SNED1: variants seen among roughly 807,000 people sequenced by gnomAD.
The protein encoded by SNED1 is sushi, nidogen and EGF like domains 1.
Under a neutral mutation model 166.7 loss-of-function variants are expected in SNED1, and 81 were observed. The ratio of observed to expected loss-of-function variants is 0.49; its 90% CI spans 0.41 to 0.58. SNED1 has a LOEUF of 0.58. Among genes scored for constraint, SNED1 ranks in the 20% least tolerant of loss-of-function variants. The pLI is 0.00. For synonymous variants in SNED1, 762 were observed against 822.0 expected, an observed-to-expected ratio of 0.93 and a Z score of 1.25; for missense variants, 1,604 against 2,000.2, an observed-to-expected ratio of 0.80 and a Z score of 3.78.
chr2:241,043,760 A>G lies in SNED1; in HGVS notation c.1273+3347A>G, dbSNP rs80057122. Among the ~76,000 whole-genome samples the G allele has an allele frequency of 5.4e-3, 824 of 152,356 alleles. 7 individuals are homozygous for G. The highest frequency in any genetic ancestry group is 0.019 in the African/African-American group (783 of 41,576). ...GTAAATACTTTTGGCTTTGTGAGCC[A>G]TATGGTCTCTATCACAACTCAACTC... On this transcript the variant is annotated intron_variant, in intron 8 of 31. Coordinates refer to ENST00000310397, the MANE Select transcript of SNED1 (RefSeq NM_001080437.3).
chr2:241,037,684 G>A (rs554772140), intron 6 of SNED1, among the ~76,000 whole-genome samples: 3 of 152,354 alleles, frequency 2.0e-5, no homozygotes, highest in South Asian at 2.1e-4. Flanking sequence ...ATGGGAGCCC[G>A]CTGGGGATGT....
rs370553211 is a variant in SNED1 at position 241,052,379 on chromosome 2, C to T, written c.1994C>T (p.Pro665Leu). The change falls in exon 15 of 32, where the codon CCG (proline) becomes CTG (leucine). Residue 665 changes from proline (P) to leucine (L), a missense_variant. Around this residue, in one of 2 missense-constraint regions of SNED1, gnomAD observed 1,237 missense variants for 1,620.8 expected, o/e 0.76. Coordinates refer to ENST00000310397, the MANE Select transcript of SNED1 (RefSeq NM_001080437.3). ...EIAPSPCFRS[P>L]CVNGGTCEDR... ...GCCCCCTCCCCCTGCTTCCGGAGCC[C>T]GTGTGTGAATGGGGGCACCTGCGAG... The T allele has an allele frequency of 3.2e-6, 5 of 1,585,382 alleles. No homozygotes were observed. Among genetic ancestry groups the T allele is most frequent in the African/African-American group, 2.7e-5 (2 of 74,520 alleles).
intron 6 of SNED1, among the ~76,000 whole-genome samples, chr2:241,039,189 C>CTAGG (rs2061455015): frequency 6.6e-6 from 1 of 152,168 alleles, no homozygotes; most frequent in African/African-American, 2.4e-5. Flanking sequence ...CAACTAAAGG[C>CTAGG]TAGGGTGTGC....
chr2:241,071,939 C>T, intron 26 of SNED1, 61 bp downstream of exon 26: 1 of 1,337,882 alleles, frequency 7.5e-7, no homozygotes, highest in Non-Finnish European at 1.1e-6. Context: ...CTGCCACTCT[C>T]ACCAGGTCCT....
At chr2:241,090,596 A>G (rs1201503508) in intron 31 of SNED1, 12 of 977,652 alleles carry the variant, frequency 1.2e-5, no homozygotes, top group Non-Finnish European at 1.6e-5. Flanking sequence ...GCATCACCAC[A>G]AACACAAAAA....
chr2:241,084,134 A>ATTTTTTTT (rs368364855), intron 29 of SNED1, among the ~76,000 whole-genome samples: 23 of 123,284 alleles, frequency 1.9e-4, no homozygotes, highest in African/African-American at 6.5e-4. Context: ...AGCGTCTAGG[A>ATTTTTTTT]TTTTTTTTTT....
rs1303798989 is a variant in SNED1 at position 241,047,617 on chromosome 2, G to A, written c.1274-698G>A. Among the ~76,000 whole-genome samples the A allele has an allele frequency of 2.0e-5, 3 of 152,224 alleles. No homozygotes were observed. The East Asian group carries it at 5.8e-4, about 29-fold the overall frequency. ...TTCTGACCATAGCAAAATTAAACTA[G>A]AGATCAGCAGAAAGATATCTGGAAA... On this transcript the variant is annotated intron_variant, in intron 8 of 31. Transcript: ENST00000310397.
chr2:241,024,264 T>TTTTTTAC (rs2060871972), intron 1 of SNED1, among the ~76,000 whole-genome samples: 1 of 121,744 alleles, frequency 8.2e-6, no homozygotes, highest in Admixed American at 8.3e-5. Context: ...TTTTTTTTTT[T>TTTTTTAC]AGACAGAGTC....
chr2:241,037,184 G>A (rs2061401069), intron 5 of SNED1, 56 bp from the exon 6 acceptor site: 2 of 1,438,038 alleles, frequency 1.4e-6, no homozygotes, highest in Admixed American at 2.0e-5. Context: ...AGCCCTTAGA[G>A]AAAACTCCTC....
chr2:241,079,654 CAAT>C (rs1034225697), intron 27 of SNED1, among the ~76,000 whole-genome samples: 2 of 151,794 alleles, frequency 1.3e-5, no homozygotes, highest in Middle Eastern at 3.2e-3. Context: ...GTTTTAAAAA[CAAT>C]AAAAAGAAAA....
At chr2:241,032,136 G>A (rs999024899) in intron 2 of SNED1, among the ~76,000 whole-genome samples, 1 of 152,148 alleles carries the variant, frequency 6.6e-6, no homozygotes, top group Non-Finnish European at 1.5e-5. Flanking sequence ...GATCACCTGA[G>A]GTCAGGAGTT....
intron 29 of SNED1, 163 bp from the exon 30 acceptor site, chr2:241,087,229 T>TA (rs1174268431): frequency 1.6e-6 from 1 of 612,502 alleles, no homozygotes; most frequent in Non-Finnish European, 2.9e-6. Flanking sequence ...ACCTTTATGT[T>TA]AGACATTTTA....
chr2:241,043,632 A>C (rs999406656), intron 8 of SNED1, among the ~76,000 whole-genome samples: 4 of 152,222 alleles, frequency 2.6e-5, no homozygotes, highest in African/African-American at 9.6e-5. Context: ...TAATCCCTTT[A>C]AAGAAAAATT....
chr2:241,050,971 C>T (rs114809463), intron 12 of SNED1, among the ~76,000 whole-genome samples: 2,294 of 152,328 alleles, frequency 0.015, 52 homozygotes, highest in African/African-American at 0.053. Context: ...ACACAGGCCA[C>T]CAATGTGGAC....
rs1298591902 is a variant in SNED1 at position 241,095,035 on chromosome 2, CT to C, written c.*3400del. 2 of 147,056 alleles carry C rather than the reference CT, an allele frequency of 1.4e-5. No individual in the cohort carries two copies. Among genetic ancestry groups the C allele is most frequent in the African/African-American group, 5.1e-5 (2 of 39,250 alleles). 9.1% of individuals were successfully genotyped at this position (147,056 alleles called of 1,614,324 possible). ...CCAACATTTCAAATTGTTCTTCGGACTCATTGAGTTCCCTAAGGTGACACGC... is the reference window on the plus strand; with the variant it reads ...CCAACATTTCAAATTGTTCTTCGGACCATTGAGTTCCCTAAGGTGACACGC... On this transcript the variant is annotated 3_prime_UTR_variant, in exon 32 of 32. Coordinates refer to ENST00000310397, the MANE Select transcript of SNED1 (RefSeq NM_001080437.3).
chr2:241,078,489 T>A (rs1473057364), intron 27 of SNED1, among the ~76,000 whole-genome samples: 1 of 151,718 alleles, frequency 6.6e-6, no homozygotes, highest in Non-Finnish European at 1.5e-5. Context: ...TGCTGCATGC[T>A]ACAACATGGA....
In SNED1 at chr2:241,069,185, G is replaced by A. The variant is rs866421241; in HGVS notation, c.3307+162G>A. On this transcript the variant is annotated intron_variant, in intron 23 of 31. Transcript: ENST00000310397. This position sits in a 1 kb window ranked among gnomAD's most constrained non-coding sequence, Gnocchi z 4.9. ...CCGCTGGGGCCACTGGGCAGGAGCC[G>A]CTGGGCTGGGCTGGGCCCTTGTGCT... Among the ~76,000 whole-genome samples the A allele has an allele frequency of 6.6e-6, 1 of 152,158 alleles. No individual in the cohort carries two copies. Among genetic ancestry groups the A allele is most frequent in the Admixed American group, 6.5e-5 (1 of 15,282 alleles).
chr2:241,082,844 C>T (rs934316123), intron 29 of SNED1, among the ~76,000 whole-genome samples: 1 of 152,182 alleles, frequency 6.6e-6, no homozygotes, highest in African/African-American at 2.4e-5. Context: ...TCCTTTCTTG[C>T]TAACACTCTA....
intron 4 of SNED1, among the ~76,000 whole-genome samples, chr2:241,036,203 A>G (rs114109677): frequency 0.011 from 1,629 of 151,918 alleles, 22 homozygotes; most frequent in African/African-American, 0.038. Flanking sequence ...TGAGGGCTGC[A>G]GGTGGTGCCG....
Sources: gnomAD v4.1 joint callset for allele counts (sites outside exome capture counted in the v4.1 genomes callset) on GRCh38, gnomAD v4.1.1 for gene constraint, gnomAD v4.1.1 regional missense constraint, Gnocchi (gnomAD v3.1) non-coding constraint, MANE v1.5 for transcripts, NCBI Gene and HGNC (gene_info 2026-07-23, HGNC 2026-07-21) for gene names.